The following TVP23C variants were observed in gnomAD, a reference collection of about 807,000 sequenced individuals.
TVP23C encodes the protein trans-golgi network vesicle protein 23 homolog C, also known as Golgi apparatus membrane protein TVP23 homolog C.
In TVP23C, 19 loss-of-function variants were observed where a neutral mutation model predicts 28.7. That is an observed-to-expected ratio of 0.66 (90% confidence interval 0.46 to 0.97). TVP23C has a LOEUF of 0.97. Ranked by LOEUF, TVP23C falls within the 50% of genes least tolerant of loss-of-function variation. The probability of loss-of-function intolerance (pLI) is 0.00; values close to 1 mark genes in which losing one functional copy is unlikely to be tolerated. For missense variants in TVP23C, 186 were observed against 241.3 expected (o/e 0.77, Z 1.52); for synonymous variants, 68 against 81.7 (o/e 0.83, Z 0.90).
Position 15,561,630 on chromosome 17 carries a change from G to GAATA in TVP23C, c.12+1803_12+1806dup, listed in dbSNP as rs374284414. ...TGAATGAATGAATGAATGAATGAATGAATAAATAAATAAATAAATAAATAA... is the reference window on the plus strand; with the variant it reads ...TGAATGAATGAATGAATGAATGAATGAATAAATAAATAAATAAATAAATAAATAA... On this transcript the variant is annotated intron_variant, in intron 1 of 5. Coordinates refer to ENST00000518321, the MANE Select transcript of TVP23C (RefSeq NM_001135036.2). Among the ~76,000 whole-genome samples the GAATA allele has an allele frequency of 6.6e-3, 869 of 131,586 alleles. 2 individuals are homozygous for GAATA. The highest frequency in any genetic ancestry group is 0.012 in the South Asian group (46 of 3,706). 86.3% of individuals were successfully genotyped at this position (131,586 alleles called of 152,430 possible). A position where few individuals can be genotyped will look rare whatever the true frequency, so the allele number is the denominator to read the frequency against.
At chr17:15,519,766 G>A (rs2150834669) in intron 5 of TVP23C, among the ~76,000 whole-genome samples, 1 of 152,242 alleles carries the variant, frequency 6.6e-6, no homozygotes, top group East Asian at 1.9e-4. Flanking sequence ...GCTGGGCGTG[G>A]TGGCAGGCAC....
chr17:15,537,430 C>G lies in TVP23C; in HGVS notation c.*2982G>C. 1.0e-6 allele frequency: 1 copy of G among 985,244 alleles called. No individual in the cohort carries two copies. The highest frequency in any genetic ancestry group is 1.2e-6 in the Non-Finnish European group (1 of 829,808). 61.0% of individuals were successfully genotyped at this position (985,244 alleles called of 1,614,324 possible). ...ACTGAAGAACTTTCAATCTAGCTATCCTTTCTGTAAAATAAATAGAATAGC... is the reference window on the plus strand; with the variant it reads ...ACTGAAGAACTTTCAATCTAGCTATGCTTTCTGTAAAATAAATAGAATAGC... On this transcript the variant is annotated 3_prime_UTR_variant, in exon 6 of 6. Coordinates refer to ENST00000518321, the MANE Select transcript of TVP23C (RefSeq NM_001135036.2).
In TVP23C at chr17:15,538,539, G is replaced by A. The variant is rs1301647695; in HGVS notation, c.*1873C>T. Reference sequence around the variant, plus strand: ...CGGGAGGTGGAGTTTGCAGTGAGCCGAGATCGCGCCACTGCACTCCAGCCT... The same window carrying A: ...CGGGAGGTGGAGTTTGCAGTGAGCCAAGATCGCGCCACTGCACTCCAGCCT... On this transcript the variant is annotated 3_prime_UTR_variant, in exon 6 of 6. Coordinates refer to ENST00000518321, the MANE Select transcript of TVP23C (RefSeq NM_001135036.2). The A allele has an allele frequency of 4.6e-5, 42 of 906,362 alleles. No individual in the cohort carries two copies. Among genetic ancestry groups the A allele is most frequent in the African/African-American group, 2.0e-4 (11 of 55,576 alleles). The allele number at this position is 906,362 out of a possible 1,614,324, so 56.1% of individuals were successfully genotyped here.
At position 15,559,510 on chromosome 17, in the gene TVP23C, T is replaced by C. The variant is rs571756232; in HGVS notation, c.12+3927A>G. 5.4e-5 allele frequency among the ~76,000 whole-genome samples: 8 copies of C among 148,662 alleles called. No individual in the cohort carries two copies. In the South Asian group the frequency reaches 1.7e-3, roughly 32 times the overall value. ...GAAAGGGAGATCCATTGGAGTGTTT[T>C]AAGTGTAAGACTGCATGTTCTGACT... On this transcript the variant is annotated intron_variant, in intron 1 of 5. Transcript: ENST00000518321.
chr17:15,520,447 T>G (rs1982427797), intron 5 of TVP23C, among the ~76,000 whole-genome samples: 2 of 144,004 alleles, frequency 1.4e-5, no homozygotes, highest in Admixed American at 7.0e-5. Flanking sequence ...AGATTCCTCC[T>G]CCCTTATCCT....
chr17:15,553,964 G>C, intron 2 of TVP23C, 135 bp from the exon 3 acceptor site: 2 of 1,496,724 alleles, frequency 1.3e-6, no homozygotes, highest in Non-Finnish European at 1.8e-6. Context: ...TTTAGTAGGA[G>C]GAAGCAAACC....
chr17:15,512,798 A>T (rs957039427), intron 5 of TVP23C, among the ~76,000 whole-genome samples: 1 of 152,224 alleles, frequency 6.6e-6, no homozygotes, highest in Admixed American at 6.5e-5. Flanking sequence ...TCCTACTACC[A>T]TGACCAAACC....
intron 5 of TVP23C, among the ~76,000 whole-genome samples, chr17:15,542,029 C>T (rs1400162415): frequency 6.6e-6 from 1 of 152,144 alleles, no homozygotes; most frequent in Non-Finnish European, 1.5e-5. Flanking sequence ...GTACAAACAG[C>T]AAACAGCGTT....
At chr17:15,541,226 T>G (rs1369887550) in intron 5 of TVP23C, among the ~76,000 whole-genome samples, 2 of 152,216 alleles carry the variant, frequency 1.3e-5, no homozygotes, top group African/African-American at 2.4e-5. Flanking sequence ...TCTTTAAAAA[T>G]TTCTAATTAA....
In TVP23C at chr17:15,563,336, G is replaced by C; in HGVS notation, c.12+101C>G. 2.0e-6 allele frequency: 3 copies of C among 1,520,870 alleles called. No individual in the cohort carries two copies. In the South Asian group the frequency reaches 3.7e-5, roughly 19 times the overall value. 94.2% of individuals were successfully genotyped at this position (1,520,870 alleles called of 1,614,324 possible). On this transcript the variant is annotated intron_variant, in intron 1 of 5. Transcript: ENST00000518321. ...TCCCGGCCGCCCCGCTCCTCCTCGA[G>C]TTCGAGTAGCGGGCGCGGGGGACGC...
chr17:15,544,186 A>G (rs1983543716), intron 5 of TVP23C, among the ~76,000 whole-genome samples: 7 of 152,144 alleles, frequency 4.6e-5, no homozygotes. Flanking sequence ...AAAAAGAAAC[A>G]AACTGTGACC....
At chr17:15,542,697 G>A (rs183775214) in intron 5 of TVP23C, among the ~76,000 whole-genome samples, 2 of 151,990 alleles carry the variant, frequency 1.3e-5, no homozygotes, top group Non-Finnish European at 2.9e-5. Context: ...GGATGGTCTC[G>A]ATCTCCTGAC....
chr17:15,554,268 C>T (rs1162422198), intron 2 of TVP23C, among the ~76,000 whole-genome samples: 6 of 134,328 alleles, frequency 4.5e-5, no homozygotes, highest in East Asian at 2.3e-4. Context: ...GACGGAGTCT[C>T]GCTCCGTCGC....
intron 5 of TVP23C, among the ~76,000 whole-genome samples, chr17:15,523,155 G>C (rs1395042285): frequency 6.8e-6 from 1 of 147,726 alleles, no homozygotes; most frequent in Non-Finnish European, 1.5e-5. Flanking sequence ...GACTACAGGT[G>C]CATGCCGCCC....
At chr17:15,528,760 G>C (rs992342640) in intron 5 of TVP23C, among the ~76,000 whole-genome samples, 2 of 151,880 alleles carry the variant, frequency 1.3e-5, no homozygotes, top group Non-Finnish European at 2.9e-5. Flanking sequence ...GCCACACCCA[G>C]CTAATTTTTG....
In TVP23C at chr17:15,502,913, CCT is replaced by C; in HGVS notation, c.780_781del (p.Gly261AsnfsTer3). On this transcript the variant is annotated frameshift_variant, in exon 6 of 6. Transcript: ENST00000225576. LOFTEE classifies it high-confidence loss of function. ...AAATTTTGGCCCGGGCTCACCAGTT[CCT>C]CTGCTATTGGGACTCTCCCCACCTC... 6.2e-7 allele frequency: 1 copy of C among 1,608,524 alleles called. No homozygotes were observed. The highest frequency in any genetic ancestry group is 8.5e-7 in the Non-Finnish European group (1 of 1,176,988).
Position 15,540,522 on chromosome 17 carries a change from G to A in TVP23C, c.502C>T (p.Leu168=). The A allele has an allele frequency of 6.2e-7, 1 of 1,613,206 alleles. No individual in the cohort carries two copies. Among genetic ancestry groups the A allele is most frequent in the South Asian group, 1.1e-5 (1 of 90,880 alleles). The stretch of plus-strand genomic sequence containing the variant: ...ACCTTACACCTGATGTAACCATACA[G>A]GTTGGCACCTTGTAGCACCACACCC... The part of the protein sequence containing the change: ...IMGVVLQGAN[L]YGYIRCKVRS... The change falls in exon 6 of 6, where the codon CTG becomes TTG. Residue 168 remains leucine (L), a synonymous_variant. Coordinates refer to ENST00000518321, the MANE Select transcript of TVP23C (RefSeq NM_001135036.2).
chr17:15,549,206 A>G (rs1169131006), intron 3 of TVP23C, among the ~76,000 whole-genome samples: 1 of 152,214 alleles, frequency 6.6e-6, no homozygotes, highest in African/African-American at 2.4e-5. Flanking sequence ...GAGGAAGAAG[A>G]GCATTCCAGA....
At chr17:15,523,873 A>G (rs1485392247) in intron 5 of TVP23C, among the ~76,000 whole-genome samples, 1 of 152,172 alleles carries the variant, frequency 6.6e-6, no homozygotes, top group Non-Finnish European at 1.5e-5. Context: ...TCGGCCTCCC[A>G]AAGTGCTGGG....
Sources: gnomAD v4.1 joint callset for allele counts (sites outside exome capture counted in the v4.1 genomes callset) on GRCh38, gnomAD v4.1.1 for gene constraint, MANE v1.5 for transcripts, NCBI Gene and HGNC (gene_info 2026-07-23, HGNC 2026-07-21) for gene names.